The following AGBL4 variants were observed in gnomAD, a reference collection of about 807,000 sequenced individuals.
AGBL4 encodes AGBL carboxypeptidase 4.
AGBL4 carries 58 observed loss-of-function variants against 66.4 expected under a neutral mutation model. That is an observed-to-expected ratio of 0.87 (90% CI 0.71 to 1.09). AGBL4 has a LOEUF of 1.09. Among genes scored for constraint, AGBL4 ranks in the 50% least tolerant of loss-of-function variants. The pLI is 0.00. For synonymous variants in AGBL4, 234 were observed against 222.9 expected (o/e 1.05, Z -0.44); for missense variants, 579 against 631.0 (o/e 0.92, Z 0.88).
chr1:49,621,568 G>A (rs1645360794), intron 3 of AGBL4, among the ~76,000 whole-genome samples: 2 of 152,162 alleles, frequency 1.3e-5, no homozygotes, highest in Non-Finnish European at 2.9e-5. Flanking sequence ...AAAGTACATT[G>A]ATTTCTTTAT....
rs112411327 is a variant in AGBL4 at position 49,578,801 on chromosome 1, G to A, written c.282+118512C>T. 1.8e-3 allele frequency among the ~76,000 whole-genome samples: 279 copies of A among 152,270 alleles called. 1 individual carries two copies. Among genetic ancestry groups the A allele is most frequent in the African/African-American group, 5.9e-3 (247 of 41,566 alleles). ...AGATTATGTATGCTCTCAGTAGAGC[G>A]TATGGGTTGAAGTTGACAAGGGGTG... On this transcript the variant is annotated intron_variant, in intron 3 of 13. Coordinates refer to ENST00000371839, the MANE Select transcript of AGBL4 (RefSeq NM_032785.4).
chr1:49,362,953 C>G (rs968938663), intron 3 of AGBL4, among the ~76,000 whole-genome samples: 36 of 152,148 alleles, frequency 2.4e-4, no homozygotes, highest in African/African-American at 8.2e-4. Context: ...TTTGAGGTGT[C>G]TGGGACTCTT....
At chr1:49,292,851 A>G (rs1644568854) in intron 3 of AGBL4, among the ~76,000 whole-genome samples, 1 of 152,108 alleles carries the variant, frequency 6.6e-6, no homozygotes, top group Non-Finnish European at 1.5e-5. Flanking sequence ...CACCTTGCTT[A>G]CCCTCCACTT....
intron 4 of AGBL4, among the ~76,000 whole-genome samples, chr1:49,063,370 A>G (rs1232731277): frequency 6.6e-6 from 1 of 152,232 alleles, no homozygotes; most frequent in Non-Finnish European, 1.5e-5. Flanking sequence ...TTGGATGGCA[A>G]AAAACATGGC....
At chr1:49,216,193 C>T (rs1649074765) in intron 4 of AGBL4, among the ~76,000 whole-genome samples, 1 of 152,134 alleles carries the variant, frequency 6.6e-6, no homozygotes, top group East Asian at 1.9e-4. Flanking sequence ...ACTTAAGTCT[C>T]TCCCAGTTAG....
intron 2 of AGBL4, among the ~76,000 whole-genome samples, chr1:49,849,393 TTTATTATTATTATTA>T (rs61688417): frequency 3.1e-5 from 4 of 130,080 alleles, no homozygotes; most frequent in African/African-American, 5.4e-5. Context: ...ATTCATCTAA[TTTATTATTATTATTA>T]TTATTATTAT....
At chr1:49,326,924 G>A (rs2148484852) in intron 3 of AGBL4, among the ~76,000 whole-genome samples, 1 of 152,244 alleles carries the variant, frequency 6.6e-6, no homozygotes, top group East Asian at 1.9e-4. Flanking sequence ...CATTGCTTCT[G>A]GGGCTCTAGG....
At position 49,514,881 on chromosome 1, in the gene AGBL4, T is replaced by G. The variant is rs1649635506; in HGVS notation, c.282+182432A>C. ...CCCTTCCTTACACCTTATACAAAAATTAATTCAAGATGGATTAAAGACTTA... is the reference window on the plus strand; with the variant it reads ...CCCTTCCTTACACCTTATACAAAAAGTAATTCAAGATGGATTAAAGACTTA... On this transcript the variant is annotated intron_variant, in intron 3 of 13. Coordinates refer to ENST00000371839, the MANE Select transcript of AGBL4 (RefSeq NM_032785.4). Among the ~76,000 whole-genome samples, 3 of 152,078 alleles carry G rather than the reference T, an allele frequency of 2.0e-5. No homozygotes were observed. In the South Asian group the frequency reaches 6.2e-4, roughly 31 times the overall value.
intron 2 of AGBL4, among the ~76,000 whole-genome samples, chr1:49,711,052 G>C (rs928939697): frequency 5.3e-5 from 8 of 151,922 alleles, no homozygotes; most frequent in African/African-American, 1.9e-4. Context: ...CCATAGAATA[G>C]CTAAAAAATA....
intron 3 of AGBL4, among the ~76,000 whole-genome samples, chr1:49,421,246 A>G (rs1042799121): frequency 1.3e-5 from 2 of 152,162 alleles, no homozygotes; most frequent in Non-Finnish European, 2.9e-5. Context: ...CCATTCATTC[A>G]TATGCTCAAG....
chr1:49,879,989 C>T (rs1371444933), intron 1 of AGBL4, among the ~76,000 whole-genome samples: 20 of 149,242 alleles, frequency 1.3e-4, no homozygotes, highest in African/African-American at 4.9e-4. Context: ...ATGTAGTTCT[C>T]GAGCCTTGGT....
intron 3 of AGBL4, among the ~76,000 whole-genome samples, chr1:49,520,449 T>C (rs891751306): frequency 6.6e-6 from 1 of 152,100 alleles, no homozygotes; most frequent in African/African-American, 2.4e-5. Flanking sequence ...TGGTACATTT[T>C]AATGTTTGAT....
intron 2 of AGBL4, among the ~76,000 whole-genome samples, chr1:49,838,888 T>A (rs75395401): frequency 6.6e-6 from 1 of 152,180 alleles, no homozygotes. Flanking sequence ...ATGTGTCTCC[T>A]TTTGTGATTA....
At chr1:48,861,099 G>A (rs1210894408) in intron 6 of AGBL4, among the ~76,000 whole-genome samples, 2 of 151,938 alleles carry the variant, frequency 1.3e-5, no homozygotes, top group Non-Finnish European at 2.9e-5. Context: ...TCTTGGAAAT[G>A]AAAAAACATA....
intron 3 of AGBL4, among the ~76,000 whole-genome samples, chr1:49,692,852 T>C (rs1336349313): frequency 3.9e-5 from 6 of 152,192 alleles, no homozygotes; most frequent in Admixed American, 6.5e-5. Context: ...AGAAATACTA[T>C]ATTGTTAAAC....
At chr1:49,780,822 G>C (rs1420200893) in intron 2 of AGBL4, among the ~76,000 whole-genome samples, 3 of 151,764 alleles carry the variant, frequency 2.0e-5, no homozygotes, top group Non-Finnish European at 4.4e-5. Context: ...TGACTAAAGA[G>C]GCATAAAGAA....
chr1:49,133,719 G>A (rs1254461576), intron 4 of AGBL4, among the ~76,000 whole-genome samples: 1 of 152,006 alleles, frequency 6.6e-6, no homozygotes, highest in African/African-American at 2.4e-5. Flanking sequence ...TAATATCCCT[G>A]CTAAATATTT....
chr1:49,053,311 C>T (rs1416309404), intron 4 of AGBL4, among the ~76,000 whole-genome samples: 20 of 152,088 alleles, frequency 1.3e-4, no homozygotes, highest in Admixed American at 1.3e-3. Flanking sequence ...TTTGCAGACC[C>T]AAAGTAACCA....
chr1:49,155,482 GA>G (rs1311184306), intron 4 of AGBL4, among the ~76,000 whole-genome samples: 1 of 152,072 alleles, frequency 6.6e-6, no homozygotes, highest in Non-Finnish European at 1.5e-5. Flanking sequence ...CACAGTTCAG[GA>G]AAATAAAGAT....
Sources: allele counts gnomAD v4.1 joint callset (sites outside exome capture counted in the v4.1 genomes callset), GRCh38; gene constraint gnomAD v4.1.1; transcripts MANE v1.5; gene names NCBI Gene and HGNC (gene_info 2026-07-23, HGNC 2026-07-21).